Variants in POLN observed in about 807,000 individuals in gnomAD.
POLN encodes DNA polymerase N.
In POLN, 108 loss-of-function variants were observed where a neutral mutation model predicts 113.5. The ratio of observed to expected loss-of-function variants is 0.95; its 90% CI spans 0.81 to 1.12. The LOEUF (loss-of-function observed/expected upper bound fraction) is 1.12, where lower values mean the gene tolerates loss of function less well. Ranked by LOEUF, POLN falls within the 50% of genes most tolerant of loss-of-function variation. The pLI is 0.00. For synonymous variants in POLN, 386 were observed against 391.5 expected (o/e 0.99, Z 0.17); for missense variants, 1,097 against 1,077.1 (o/e 1.02, Z -0.26).
intron 19 of POLN, among the ~76,000 whole-genome samples, chr4:2,123,434 T>C (rs530445507): frequency 6.8e-4 from 103 of 152,014 alleles, no homozygotes; most frequent in African/African-American, 2.4e-3. Context: ...AAGACCAGCC[T>C]GGCCAACATA....
chr4:2,169,517 TG>T (rs1393653471), intron 13 of POLN, among the ~76,000 whole-genome samples: 1 of 152,208 alleles, frequency 6.6e-6, no homozygotes, highest in African/African-American at 2.4e-5. Flanking sequence ...ACTGGTCTTT[TG>T]AGAGCTTTTA....
chr4:2,102,306 C>A (rs1730945965), intron 19 of POLN, among the ~76,000 whole-genome samples: 1 of 152,260 alleles, frequency 6.6e-6, no homozygotes, highest in South Asian at 2.1e-4. Context: ...AATTTACCAC[C>A]TGGGACACTC....
intron 19 of POLN, among the ~76,000 whole-genome samples, chr4:2,108,263 A>G (rs757686940): frequency 1.8e-4 from 28 of 152,194 alleles, no homozygotes. Context: ...ATGGGTAAGG[A>G]AGGCAGCCGC....
At chr4:2,111,769 T>C (rs948184618) in intron 19 of POLN, among the ~76,000 whole-genome samples, 3 of 152,206 alleles carry the variant, frequency 2.0e-5, no homozygotes, top group Admixed American at 6.5e-5. Context: ...GAACATTCCA[T>C]GCTCATAAGT....
chr4:2,159,097 G>A, intron 14 of POLN, 58 bp downstream of exon 14: 8 of 1,253,944 alleles, frequency 6.4e-6, no homozygotes, highest in Non-Finnish European at 9.4e-6. Context: ...ACAGACACAG[G>A]GCCATATGGT....
intron 5 of POLN, among the ~76,000 whole-genome samples, chr4:2,200,498 G>C (rs1354429081): frequency 6.6e-6 from 1 of 152,186 alleles, no homozygotes; most frequent in African/African-American, 2.4e-5. Context: ...TACTGTGTTG[G>C]TATCCACAAC....
At chr4:2,083,801 GCCACC>G (rs1730486590) in intron 21 of POLN, among the ~76,000 whole-genome samples, 1 of 152,276 alleles carries the variant, frequency 6.6e-6, no homozygotes, top group Admixed American at 6.5e-5. Context: ...CCCCACTGAT[GCCACC>G]TGGCATAGAA....
chr4:2,146,184 T>C (rs1174098517), intron 16 of POLN, among the ~76,000 whole-genome samples: 1 of 152,000 alleles, frequency 6.6e-6, no homozygotes, highest in Non-Finnish European at 1.5e-5. Flanking sequence ...AAGAACACAC[T>C]TGGGAAAGGA....
At chr4:2,240,061 T>C in intron 2 of POLN, 1 of 1,613,524 alleles carries the variant, frequency 6.2e-7, no homozygotes, top group East Asian at 2.2e-5. Context: ...CTGTGAAGAC[T>C]CTCCTCTGCC....
At position 2,226,714 on chromosome 4, in the gene POLN, TAC is replaced by T. The variant is rs1178528819; in HGVS notation, c.133+2383_133+2384del. 5.9e-5 allele frequency among the ~76,000 whole-genome samples: 9 copies of T among 152,230 alleles called. No homozygotes were observed. In the East Asian group the frequency reaches 1.7e-3, roughly 29 times the overall value. On this transcript the variant is annotated intron_variant, in intron 3 of 25. Coordinates refer to ENST00000511885, the MANE Select transcript of POLN (RefSeq NM_181808.4). ...AAAATGACAAGTATCACAGGTTTAATACAGTTTGGTGTGACTTAGTGTTTGTA... is the reference window on the plus strand; with the variant it reads ...AAAATGACAAGTATCACAGGTTTAATAGTTTGGTGTGACTTAGTGTTTGTA...
Position 2,127,054 on chromosome 4 carries a change from C to G in POLN, c.1982+1059G>C, listed in dbSNP as rs983350097. On this transcript the variant is annotated intron_variant, in intron 19 of 25. Coordinates refer to ENST00000511885, the MANE Select transcript of POLN (RefSeq NM_181808.4). The surrounding 1 kb of genome is among the most constrained non-coding windows in gnomAD (Gnocchi z 4.7). ...CCATGATCTGCTTCCTCATCTCCCA[C>G]CCCCAGGTGCTGGGCAGCCTTTCTG... 2.0e-5 allele frequency among the ~76,000 whole-genome samples: 3 copies of G among 152,054 alleles called. No homozygotes were observed. The highest frequency in any genetic ancestry group is 4.4e-5 in the Non-Finnish European group (3 of 67,988).
chr4:2,200,782 T>C (rs759549518), intron 5 of POLN, among the ~76,000 whole-genome samples: 11 of 152,066 alleles, frequency 7.2e-5, no homozygotes, highest in Non-Finnish European at 1.6e-4. Context: ...GAAAACCAAC[T>C]CTGGTAATAT....
intron 17 of POLN, among the ~76,000 whole-genome samples, chr4:2,130,857 T>C (rs1158907766): frequency 6.6e-6 from 1 of 152,180 alleles, no homozygotes; most frequent in Non-Finnish European, 1.5e-5. Context: ...GTTAGTTATA[T>C]AGAAAATCAA....
intron 3 of POLN, among the ~76,000 whole-genome samples, chr4:2,220,436 G>C (rs1208087265): frequency 6.6e-6 from 1 of 152,322 alleles, no homozygotes; most frequent in African/African-American, 2.4e-5. Flanking sequence ...TTCTCAGTGA[G>C]TTTAGTGATA....
rs917255257 is a variant in POLN, at chr4:2,241,463, A to C, written c.-13+57T>G. Reference sequence around the variant, plus strand: ...GCAGCCTCTCTTCCCTGCCCTCCGTACGTAAGAAGACGCAAATAAGCATGG... The same window carrying C: ...GCAGCCTCTCTTCCCTGCCCTCCGTCCGTAAGAAGACGCAAATAAGCATGG... On this transcript the variant is annotated intron_variant, in intron 2 of 25. Transcript: ENST00000511885. The C allele has an allele frequency of 4.1e-6, 4 of 980,432 alleles. No individual in the cohort carries two copies. The African/African-American group carries it at 7.0e-5, about 17-fold the overall frequency. 60.7% of individuals were successfully genotyped at this position (980,432 alleles called of 1,614,324 possible). A position where few individuals can be genotyped will look rare whatever the true frequency, so the allele number is the denominator to read the frequency against.
intron 2 of POLN, chr4:2,232,268 C>T (rs1035621423): frequency 3.8e-6 from 2 of 521,642 alleles, no homozygotes; most frequent in African/African-American, 4.0e-5. Context: ...TAATAACTTC[C>T]CGCAATTTTA....
intron 16 of POLN, among the ~76,000 whole-genome samples, chr4:2,152,037 C>CT (rs201892064): frequency 0.054 from 7,698 of 142,242 alleles, 253 homozygotes; most frequent in Non-Finnish European, 0.085. Context: ...TTTCTTTCTT[C>CT]TTTTTTTTTT....
chr4:2,204,760 T>C (rs1297658887), intron 5 of POLN, among the ~76,000 whole-genome samples: 3 of 152,214 alleles, frequency 2.0e-5, no homozygotes, highest in Non-Finnish European at 4.4e-5. Context: ...GTGGGTTTCA[T>C]ACCAGGGATG....
At chr4:2,221,845 G>T (rs1734260534) in intron 3 of POLN, among the ~76,000 whole-genome samples, 1 of 152,156 alleles carries the variant, frequency 6.6e-6, no homozygotes, top group Non-Finnish European at 1.5e-5. Flanking sequence ...AAAATACTGG[G>T]ATTACAGGGG....
Sources: allele counts gnomAD v4.1 joint callset (sites outside exome capture counted in the v4.1 genomes callset), GRCh38; gene constraint gnomAD v4.1.1; non-coding constraint Gnocchi (gnomAD v3.1); transcripts MANE v1.5; gene names NCBI Gene and HGNC (gene_info 2026-07-23, HGNC 2026-07-21).